The following PTK2B variants were observed in gnomAD, a reference collection of about 807,000 sequenced individuals.
The protein encoded by PTK2B is protein tyrosine kinase 2 beta.
PTK2B carries 71 observed loss-of-function variants against 142.9 expected under a neutral mutation model. The observed-to-expected ratio is 0.50, with a 90% CI of 0.41 to 0.61. The LOEUF is 0.61. PTK2B is among the 20% of genes least tolerant of loss of function. The pLI is 0.00. For missense variants in PTK2B, 1,105 were observed against 1,320.4 expected, an observed-to-expected ratio of 0.84 and a Z score of 2.53; for synonymous variants, 519 against 503.4, an observed-to-expected ratio of 1.03 and a Z score of -0.42.
upstream of PTK2B, among the ~76,000 whole-genome samples, chr8:27,324,962 A>G (rs1299108356): frequency 2.0e-5 from 3 of 152,138 alleles, no homozygotes; most frequent in African/African-American, 7.2e-5. Context: ...ATCTCTAACT[A>G]TTCTTGTGCT....
In PTK2B at chr8:27,454,271, G is replaced by A; in HGVS notation, c.2713G>A (p.Gly905Ser). ...TGAGCTCTGTCAGCTGCCCCCCGAG[G>A]GCTACGTGGTGGTGGTGAAGGTGAG... ...KNELCQLPPE[G>S]YVVVVKNVGL... Residue 905 changes from glycine (G) to serine (S), a missense_variant, in exon 29 of 31, where the codon GGC becomes AGC. Gly to Ser is a moderately conservative substitution (Grantham distance 56). Coordinates refer to ENST00000346049, the MANE Select transcript of PTK2B (RefSeq NM_173176.3). The A allele has an allele frequency of 6.2e-7, 1 of 1,613,866 alleles. No individual in the cohort carries two copies. The highest frequency in any genetic ancestry group is 8.5e-7 in the Non-Finnish European group (1 of 1,179,994).
intron 5 of PTK2B, among the ~76,000 whole-genome samples, chr8:27,424,898 G>A (rs1397365770): frequency 6.6e-6 from 1 of 151,928 alleles, no homozygotes. Flanking sequence ...TCATTTCCTA[G>A]CTTAAAAAAG....
chr8:27,392,973 T>G (rs1258609553), intron 1 of PTK2B, among the ~76,000 whole-genome samples: 1 of 152,232 alleles, frequency 6.6e-6, no homozygotes, highest in African/African-American at 2.4e-5. Flanking sequence ...CTTCACTGAC[T>G]GGGAATATTC....
chr8:27,370,091 C>G (rs1462304854), intron 1 of PTK2B, among the ~76,000 whole-genome samples: 2 of 152,208 alleles, frequency 1.3e-5, no homozygotes, highest in Non-Finnish European at 2.9e-5. Flanking sequence ...TCTCAGAGCT[C>G]TTGGGAGTTC....
intron 2 of PTK2B, among the ~76,000 whole-genome samples, chr8:27,399,904 C>G (rs1329794320): frequency 6.6e-6 from 1 of 152,110 alleles, no homozygotes. Flanking sequence ...TCTCTTCACC[C>G]GGGGATCATG....
chr8:27,402,092 G>T (rs889212168), intron 2 of PTK2B, among the ~76,000 whole-genome samples: 1 of 152,212 alleles, frequency 6.6e-6, no homozygotes, highest in African/African-American at 2.4e-5. Flanking sequence ...CAAATTGCCA[G>T]TAAGGGGGGA....
chr8:27,356,805 A>G (rs1378211054), intron 1 of PTK2B, among the ~76,000 whole-genome samples: 1 of 152,270 alleles, frequency 6.6e-6, no homozygotes, highest in Admixed American at 6.5e-5. Context: ...GAAAATGTTC[A>G]TCTCAAAAAG....
At chr8:27,342,236 G>A (rs1804445685) in intron 1 of PTK2B, among the ~76,000 whole-genome samples, 1 of 151,842 alleles carries the variant, frequency 6.6e-6, no homozygotes, top group African/African-American at 2.4e-5. Flanking sequence ...CCTGTCTGCT[G>A]TTGTGCCCAG....
At chr8:27,351,038 T>TATATATAC (rs1805060637) in intron 1 of PTK2B, among the ~76,000 whole-genome samples, 2 of 98,436 alleles carry the variant, frequency 2.0e-5, no homozygotes, top group Non-Finnish European at 3.7e-5. Flanking sequence ...TATATATATA[T>TATATATAC]ATACGTGCTT....
intron 28 of PTK2B, 113 bp from the exon 29 acceptor site, chr8:27,454,041 C>A: frequency 7.1e-7 from 1 of 1,418,388 alleles, no homozygotes; most frequent in Non-Finnish European, 9.8e-7. Flanking sequence ...AAAGAAGAGT[C>A]CTTTCCAATC....
chr8:27,394,675 C>T (rs1291175790), intron 1 of PTK2B, among the ~76,000 whole-genome samples: 1 of 152,178 alleles, frequency 6.6e-6, no homozygotes, highest in African/African-American at 2.4e-5. Flanking sequence ...CCTTAGCTTA[C>T]TGTAATGTTT....
intron 1 of PTK2B, among the ~76,000 whole-genome samples, chr8:27,331,490 A>G (rs1323971203): frequency 6.6e-6 from 1 of 151,788 alleles, no homozygotes; most frequent in Admixed American, 6.6e-5. Context: ...TTTTGAGACA[A>G]AGTCTCACTT....
intron 30 of PTK2B, among the ~76,000 whole-genome samples, 181 bp from the exon 31 acceptor site, chr8:27,458,113 C>T (rs1244861204): frequency 6.6e-6 from 1 of 152,088 alleles, no homozygotes; most frequent in Non-Finnish European, 1.5e-5. Flanking sequence ...GATGTCAGTC[C>T]TTGCAGACCT....
rs2132158180 is a variant in PTK2B at position 27,437,225 on chromosome 8, A to G, written c.1426+19A>G. 6.2e-7 allele frequency: 1 copy of G among 1,602,682 alleles called. No homozygotes were observed. Among genetic ancestry groups the G allele is most frequent in the East Asian group, 2.2e-5 (1 of 44,786 alleles). Reference sequence around the variant, plus strand: ...GAGGCAGGTAGGGACCCCTGAGACCAACCAGGCCTCCAAGATGGGAGGGGC... The same window carrying G: ...GAGGCAGGTAGGGACCCCTGAGACCGACCAGGCCTCCAAGATGGGAGGGGC... On this transcript the variant is annotated intron_variant, in intron 16 of 30. Coordinates refer to ENST00000346049, the MANE Select transcript of PTK2B (RefSeq NM_173176.3).
intron 1 of PTK2B, among the ~76,000 whole-genome samples, chr8:27,362,857 C>T (rs1304789417): frequency 6.6e-6 from 1 of 152,232 alleles, no homozygotes; most frequent in Non-Finnish European, 1.5e-5. Context: ...TAGAACTGCT[C>T]CCATGCGAAA....
At chr8:27,438,727 C>T (rs1015063141) in intron 18 of PTK2B, among the ~76,000 whole-genome samples, 25 of 152,096 alleles carry the variant, frequency 1.6e-4, no homozygotes, top group African/African-American at 5.1e-4. Context: ...CTGAGCCAGG[C>T]TTCAAGCTGG....
chr8:27,361,076 G>T (rs1329529791), intron 1 of PTK2B, among the ~76,000 whole-genome samples: 1 of 152,092 alleles, frequency 6.6e-6, no homozygotes, highest in African/African-American at 2.4e-5. Flanking sequence ...CCCGAATACT[G>T]TTTATTGTAC....
intron 1 of PTK2B, among the ~76,000 whole-genome samples, chr8:27,380,283 A>G (rs1374857134): frequency 3.3e-5 from 5 of 151,996 alleles, no homozygotes; most frequent in South Asian, 2.1e-4. Flanking sequence ...GATAGCAGTC[A>G]TTTTGTGACC....
intron 11 of PTK2B, 133 bp from the exon 12 acceptor site, chr8:27,433,960 C>T: frequency 7.9e-7 from 1 of 1,263,448 alleles, no homozygotes; most frequent in Admixed American, 1.7e-5. Flanking sequence ...TCACTAGCTC[C>T]CAGGCTAGGA....
Sources: allele counts gnomAD v4.1 joint callset (sites outside exome capture counted in the v4.1 genomes callset), GRCh38; gene constraint gnomAD v4.1.1; transcripts MANE v1.5; gene names NCBI Gene and HGNC (gene_info 2026-07-23, HGNC 2026-07-21).